Variants in DNAH17 observed in about 807,000 individuals in gnomAD.
The protein encoded by DNAH17 is dynein axonemal heavy chain 17.
A neutral mutation model predicts 485.6 loss-of-function variants in DNAH17; 376 were observed. The ratio of observed to expected loss-of-function variants is 0.77; its 90% CI spans 0.71 to 0.84. The LOEUF (loss-of-function observed/expected upper bound fraction) is 0.84, where lower values mean the gene tolerates loss of function less well. DNAH17 is among the 40% of genes least tolerant of loss of function. DNAH17 has a pLI of 0.00. For missense variants in DNAH17, 6,370 were observed against 5,839.3 expected (o/e 1.09, Z -2.96); for synonymous variants, 3,031 against 2,405.9 (o/e 1.26, Z -7.60).
chr17:78,543,837 C>T lies in DNAH17; in HGVS notation c.2532+20G>A. 6 of 1,613,964 alleles carry T rather than the reference C, an allele frequency of 3.7e-6. No homozygotes were observed. Among genetic ancestry groups the T allele is most frequent in the Admixed American group, 1.7e-5 (1 of 60,026 alleles). On this transcript the variant is annotated intron_variant, in intron 17 of 80. Transcript: ENST00000389840. ...TAAAAGCAAGTGGGTTCTCAAAAAA[C>T]CTCCTGGGTGTTTCCTTACTGCAAC... is the stretch of plus-strand genomic sequence containing the variant.
intron 71 of DNAH17, among the ~76,000 whole-genome samples, chr17:78,443,844 G>A (rs2087167408): frequency 6.6e-6 from 1 of 152,184 alleles, no homozygotes; most frequent in Admixed American, 6.5e-5. Context: ...GGCCATCAGA[G>A]GGTAATTCTA....
chr17:78,426,489 C>G lies in DNAH17; in HGVS notation c.12883G>C (p.Ala4295Pro). 3.7e-6 allele frequency: 6 copies of G among 1,611,460 alleles called. No homozygotes were observed. Among genetic ancestry groups the G allele is most frequent in the Non-Finnish European group, 5.1e-6 (6 of 1,178,844 alleles). Reference sequence around the variant, plus strand: ...CGGAGCAGCAGGTCTGCGTACCAGGCCGCCAGGCCCATCATGGAGGGGTAG... The same window carrying G: ...CGGAGCAGCAGGTCTGCGTACCAGGGCGCCAGGCCCATCATGGAGGGGTAG... ...RAYPSMMGLA[A>P]WYADLLLRIR... The change falls in exon 79 of 81, where the codon GCC (alanine) becomes CCC (proline). Residue 4295 changes from alanine to proline, a missense_variant. Coordinates refer to ENST00000389840, the MANE Select transcript of DNAH17 (RefSeq NM_173628.4).
In DNAH17 at chr17:78,474,369, C is replaced by T. The variant is rs574258067; in HGVS notation, c.8511+909G>A. On this transcript the variant is annotated intron_variant, in intron 54 of 80. Transcript: ENST00000389840. ...TGATTCCTTCTGAACTAATGGCACG[C>T]AGTTGCCTGGGAGAGCAGATTTTCA... Among the ~76,000 whole-genome samples the T allele has an allele frequency of 2.6e-5, 4 of 152,370 alleles. No individual in the cohort carries two copies. In the South Asian group the frequency reaches 8.3e-4, roughly 32 times the overall value.
chr17:78,447,970 G>C (rs374204247), intron 69 of DNAH17, among the ~76,000 whole-genome samples: 1 of 152,088 alleles, frequency 6.6e-6, no homozygotes. Flanking sequence ...TCGGGAGTTC[G>C]AGACCAGCCT....
rs140797410 is a variant in DNAH17, at chr17:78,450,776, C to A, written c.10805G>T (p.Arg3602Leu). The part of the protein sequence containing the change: ...LKELEDSLLA[R>L]LSAASGNFLG... ...AAAGTTCCCCGACGCAGCCGACAGA[C>A]GGGCCAGGAGCGAATCTTCCAGCTC... The change falls in exon 67 of 81, where the codon CGT becomes CTT. Residue 3602 changes from arginine to leucine, a missense_variant. By Grantham distance (102) the Arg-to-Leu change is moderately radical. Transcript: ENST00000389840. 79 of 1,614,056 alleles carry A rather than the reference C, an allele frequency of 4.9e-5. 1 individual carries two copies. The South Asian group carries it at 8.5e-4, about 17-fold the overall frequency.
At chr17:78,477,963 TCAC>T (rs1354844375) in intron 51 of DNAH17, among the ~76,000 whole-genome samples, 1,734 of 125,666 alleles carry the variant, frequency 0.014, 78 homozygotes, top group African/African-American at 0.056. Flanking sequence ...ATCTCCACCA[TCAC>T]CACCACCATC....
intron 77 of DNAH17, among the ~76,000 whole-genome samples, chr17:78,427,939 C>T (rs910610478): frequency 2.8e-5 from 4 of 145,062 alleles, no homozygotes; most frequent in Non-Finnish European, 5.9e-5. Context: ...GCACTCCAGC[C>T]TGGGCAACGA....
chr17:78,560,669 G>A, intron 13 of DNAH17, 71 bp downstream of exon 13: 1 of 1,450,180 alleles, frequency 6.9e-7, no homozygotes, highest in South Asian at 1.4e-5. Context: ...AATCCGTGCT[G>A]AGGGAACCTT....
chr17:78,492,719 G>C lies in DNAH17; in HGVS notation c.6455C>G (p.Pro2152Arg). 1 of 1,612,904 alleles carries C rather than the reference G, an allele frequency of 6.2e-7. No homozygotes were observed. The highest frequency in any genetic ancestry group is 8.5e-7 in the Non-Finnish European group (1 of 1,179,488). The change falls in exon 42 of 81, where the codon CCG (proline) becomes CGG (arginine). Residue 2152 changes from proline (P) to arginine (R), a missense_variant. Physicochemically the swap from Pro to Arg is moderately radical, Grantham distance 103 (BLOSUM62 -2). Transcript: ENST00000389840. ...CTTGGGGTCCAGGTCCACGGCGACC[G>C]GCTTCCTCTTCAGGTTCTGATAGGT... ...NKTYQNLKRK[P>R]VAVDLDPKAV...
At chr17:78,493,961 G>A (rs2089966496) in intron 41 of DNAH17, 75 bp downstream of exon 41, 2 of 1,518,182 alleles carry the variant, frequency 1.3e-6, no homozygotes, top group Non-Finnish European at 8.8e-7. Context: ...GGGGAGTGAT[G>A]GAGGGCCGAC....
At chr17:78,549,784 T>TC (rs1276068427) in intron 16 of DNAH17, among the ~76,000 whole-genome samples, 1 of 152,014 alleles carries the variant, frequency 6.6e-6, no homozygotes, top group Non-Finnish European at 1.5e-5. Context: ...AGAGTGGGCC[T>TC]CCTCCCGTCT....
chr17:78,537,808 C>T (rs1245557290), intron 18 of DNAH17, among the ~76,000 whole-genome samples: 1 of 152,154 alleles, frequency 6.6e-6, no homozygotes, highest in Non-Finnish European at 1.5e-5. Context: ...CCCAGTTTCC[C>T]CAAATATATA....
intron 17 of DNAH17, among the ~76,000 whole-genome samples, chr17:78,543,258 G>A (rs553660513): frequency 4.0e-5 from 6 of 151,762 alleles, no homozygotes; most frequent in South Asian, 2.1e-4. Context: ...GGGATTACAG[G>A]CATGTGCCAA....
intron 26 of DNAH17, 166 bp from the exon 27 acceptor site, chr17:78,510,672 A>G: frequency 1.2e-6 from 1 of 854,308 alleles, no homozygotes; most frequent in South Asian, 1.7e-5. Flanking sequence ...GACTTGAGGA[A>G]GTGACTTCTC....
At position 78,500,480 on chromosome 17, in the gene DNAH17, A is replaced by G. The variant is rs1371925013; in HGVS notation, c.5484-19T>C. 6 of 1,551,222 alleles carry G rather than the reference A, an allele frequency of 3.9e-6. No individual in the cohort carries two copies. The highest frequency in any genetic ancestry group is 5.2e-6 in the Non-Finnish European group (6 of 1,151,238). On this transcript the variant is annotated intron_variant, in intron 35 of 80. Transcript: ENST00000389840. ...ATAGCACCTGCAAGTGACCACAGGT[A>G]AGCGTGTGTGCCAGCGACCCCATGG...
chr17:78,498,874 T>C (rs2090170020), intron 37 of DNAH17, 134 bp downstream of exon 37: 2 of 605,558 alleles, frequency 3.3e-6, no homozygotes, highest in Middle Eastern at 2.9e-4. Context: ...AAGAGCTCAA[T>C]GGCACCACAC....
At chr17:78,549,289 T>TCTA (rs1267192697) in intron 16 of DNAH17, among the ~76,000 whole-genome samples, 1 of 150,994 alleles carries the variant, frequency 6.6e-6, no homozygotes, top group Non-Finnish European at 1.5e-5. Context: ...GCAACCTCTC[T>TCTA]CTACTACGTG....
In DNAH17 at chr17:78,561,891, G is replaced by A. The variant is rs767078180; in HGVS notation, c.1659C>T (p.Asp553=). 19 of 1,613,792 alleles carry A rather than the reference G, an allele frequency of 1.2e-5. No homozygotes were observed. The highest frequency in any genetic ancestry group is 1.1e-4 in the South Asian group (10 of 91,080). The change falls in exon 12 of 81, where the codon GAC becomes GAT. Residue 553 remains aspartate, a synonymous_variant. Coordinates refer to ENST00000389840, the MANE Select transcript of DNAH17 (RefSeq NM_173628.4). ...AGATCTTAGCATTGTCTAGCTCAGC[G>A]TCAAACAGCTCCAGCATGACTGAAT... is the stretch of plus-strand genomic sequence containing the variant. The part of the protein sequence containing the change: ...PRYSVMLELF[D]AELDNAKILY...
intron 49 of DNAH17, among the ~76,000 whole-genome samples, 169 bp from the exon 50 acceptor site, chr17:78,479,801 T>C (rs2146617572): frequency 6.6e-6 from 1 of 152,312 alleles, no homozygotes; most frequent in Middle Eastern, 3.4e-3. Flanking sequence ...AAAACTGCAT[T>C]AAGTATCATT....
Sources: allele counts gnomAD v4.1 joint callset (sites outside exome capture counted in the v4.1 genomes callset), GRCh38; gene constraint gnomAD v4.1.1; transcripts MANE v1.5; gene names NCBI Gene and HGNC (gene_info 2026-07-23, HGNC 2026-07-21).